The following ARMC9 variants were observed in gnomAD, a reference collection of about 807,000 sequenced individuals.
ARMC9 encodes lisH domain-containing protein ARMC9.
ARMC9 carries 94 observed loss-of-function variants against 107.0 expected under a neutral mutation model. The ratio of observed to expected loss-of-function variants is 0.88; its 90% CI spans 0.74 to 1.04. The LOEUF (loss-of-function observed/expected upper bound fraction) is 1.04. ARMC9 is among the 50% of genes least tolerant of loss of function. The probability of loss-of-function intolerance (pLI) is 0.00; values close to 1 mark genes in which losing one functional copy is unlikely to be tolerated. For synonymous variants in ARMC9, 380 were observed against 396.9 expected (o/e 0.96, Z 0.51); for missense variants, 942 against 1,030.1 (o/e 0.91, Z 1.17).
rs887674724 is a variant in ARMC9 at position 231,278,707 on chromosome 2, C to T, written c.1551+249C>T. ...CCCACTGGCCTGTGCCGGGCCCCTC[C>T]GGCATTGCTGTTTCTCATCATCTAG... On this transcript the variant is annotated intron_variant, in intron 16 of 24. Transcript: ENST00000611582. 6.6e-6 allele frequency among the ~76,000 whole-genome samples: 1 copy of T among 150,464 alleles called. No homozygotes were observed. Among genetic ancestry groups the T allele is most frequent in the Non-Finnish European group, 1.5e-5 (1 of 67,518 alleles).
intron 19 of ARMC9, among the ~76,000 whole-genome samples, chr2:231,309,262 C>T (rs757684029): frequency 9.2e-5 from 14 of 152,164 alleles, no homozygotes; most frequent in Non-Finnish European, 1.9e-4. Context: ...CTTGTAGACA[C>T]CTCATGATTC....
rs530838392 is a variant in ARMC9, at chr2:231,228,617, C to G, written c.622+1819C>G. On this transcript the variant is annotated intron_variant, in intron 7 of 24. Transcript: ENST00000611582. The stretch of plus-strand genomic sequence containing the variant: ...CATTTCTGCTGCATTCTGTTTCTTG[C>G]AAGTGAATTCCTAAGGCCCCCTCAC... Among the ~76,000 whole-genome samples the G allele has an allele frequency of 1.3e-5, 2 of 152,188 alleles. 1 individual carries two copies. Among genetic ancestry groups the G allele is most frequent in the East Asian group, 3.8e-4 (2 of 5,196 alleles).
intron 19 of ARMC9, among the ~76,000 whole-genome samples, chr2:231,329,238 G>A (rs1575102037): frequency 6.6e-6 from 1 of 152,090 alleles, no homozygotes; most frequent in Admixed American, 6.6e-5. Context: ...AATAAATATG[G>A]GGAGAACTAT....
In ARMC9 at chr2:231,230,310, C is replaced by T. The variant is rs1030457837; in HGVS notation, c.622+3512C>T. Among the ~76,000 whole-genome samples the T allele has an allele frequency of 3.3e-5, 5 of 151,428 alleles. No homozygotes were observed. The East Asian group carries it at 5.8e-4, about 18-fold the overall frequency. ...CCCAGGAGTTGCAGCGAGCTATGAT[C>T]GCACCACTGCACTAGTCTAGGTGGC... On this transcript the variant is annotated intron_variant, in intron 7 of 24. Coordinates refer to ENST00000611582, the MANE Select transcript of ARMC9 (RefSeq NM_001352754.2).
At chr2:231,306,173 G>A (rs2042025496) in intron 19 of ARMC9, among the ~76,000 whole-genome samples, 1 of 152,212 alleles carries the variant, frequency 6.6e-6, no homozygotes, top group African/African-American at 2.4e-5. Flanking sequence ...CCATGAGTCA[G>A]AGAACTTTCC....
intron 20 of ARMC9, among the ~76,000 whole-genome samples, chr2:231,338,535 CTTTTTT>C (rs764466867): frequency 7.9e-4 from 83 of 104,824 alleles, no homozygotes; most frequent in African/African-American, 3.4e-3. Flanking sequence ...CCCCAATTCA[CTTTTTT>C]TTTTTTTTTT....
chr2:231,350,207 G>A (rs1575161002), intron 21 of ARMC9, among the ~76,000 whole-genome samples: 1 of 151,874 alleles, frequency 6.6e-6, no homozygotes, highest in African/African-American at 2.4e-5. Flanking sequence ...TAAATTTTTT[G>A]TAGAGAAGGG....
intron 17 of ARMC9, among the ~76,000 whole-genome samples, chr2:231,287,510 G>A (rs989620643): frequency 3.3e-5 from 5 of 152,132 alleles, no homozygotes; most frequent in East Asian, 3.9e-4. Context: ...ACTGTATTCC[G>A]TGATGCTCAC....
chr2:231,215,612 G>C (rs999396929), intron 4 of ARMC9, among the ~76,000 whole-genome samples: 4 of 152,336 alleles, frequency 2.6e-5, no homozygotes, highest in South Asian at 4.1e-4. Flanking sequence ...TGGGAAGAGA[G>C]GAGAAGGCTG....
intron 23 of ARMC9, among the ~76,000 whole-genome samples, chr2:231,361,329 G>C (rs1575184434): frequency 6.6e-6 from 1 of 151,882 alleles, no homozygotes; most frequent in Non-Finnish European, 1.5e-5. Context: ...GCTGGGGCGT[G>C]GTGGCGCACG....
chr2:231,324,795 G>A (rs1320348070), intron 19 of ARMC9, among the ~76,000 whole-genome samples: 1 of 151,722 alleles, frequency 6.6e-6, no homozygotes, highest in Non-Finnish European at 1.5e-5. Flanking sequence ...CCAAAATGAA[G>A]ACAGGTACAG....
intron 1 of ARMC9, among the ~76,000 whole-genome samples, chr2:231,202,802 C>T (rs557294940): frequency 9.9e-5 from 15 of 152,210 alleles, no homozygotes; most frequent in South Asian, 8.3e-4. Flanking sequence ...TCCTGGGTAA[C>T]GGCCAAACTT....
intron 20 of ARMC9, among the ~76,000 whole-genome samples, chr2:231,340,211 A>G (rs1278808433): frequency 2.6e-5 from 4 of 152,352 alleles, no homozygotes; most frequent in East Asian, 3.9e-4. Context: ...GACAAGAATC[A>G]TGTTACCCAG....
chr2:231,293,788 A>G (rs750625815), intron 18 of ARMC9: 1 of 152,256 alleles, frequency 6.6e-6, no homozygotes, highest in Non-Finnish European at 1.5e-5. Flanking sequence ...TCCATAGGAC[A>G]GCGGCAGGAG....
chr2:231,216,834 A>T lies in ARMC9; in HGVS notation c.504+41A>T, dbSNP rs199648624. 1.4e-4 allele frequency: 226 copies of T among 1,582,890 alleles called. 2 individuals are homozygous for T. In the African/African-American group the frequency reaches 2.4e-3, roughly 16 times the overall value. On this transcript the variant is annotated intron_variant, in intron 5 of 24. Transcript: ENST00000611582. ...TAACTCTTGTGTCAGATCCTGGGTGACATTGTGGTTTTACCTTCTGTATGC... is the reference window on the plus strand; with the variant it reads ...TAACTCTTGTGTCAGATCCTGGGTGTCATTGTGGTTTTACCTTCTGTATGC...
At chr2:231,334,884 GT>G (rs1317433652) in intron 20 of ARMC9, among the ~76,000 whole-genome samples, 1 of 152,164 alleles carries the variant, frequency 6.6e-6, no homozygotes, top group Non-Finnish European at 1.5e-5. Context: ...CGCGTTTTGT[GT>G]GTGTGCCAAG....
At chr2:231,342,014 G>A (rs541975522) in intron 20 of ARMC9, among the ~76,000 whole-genome samples, 1 of 152,342 alleles carries the variant, frequency 6.6e-6, no homozygotes, top group African/African-American at 2.4e-5. Flanking sequence ...GCAGAACTCA[G>A]TATAAACAGC....
At chr2:231,302,371 T>C (rs918502918) in intron 19 of ARMC9, among the ~76,000 whole-genome samples, 1 of 150,814 alleles carries the variant, frequency 6.6e-6, no homozygotes, top group African/African-American at 2.4e-5. Context: ...ATAAATAAGA[T>C]ATTCTTATGA....
At chr2:231,324,266 TACAGGC>T (rs966262137) in intron 19 of ARMC9, among the ~76,000 whole-genome samples, 1 of 150,924 alleles carries the variant, frequency 6.6e-6, no homozygotes, top group Non-Finnish European at 1.5e-5. Flanking sequence ...TAGCTGGGAC[TACAGGC>T]ACACGCCACC....
Sources: allele counts gnomAD v4.1 joint callset (sites outside exome capture counted in the v4.1 genomes callset), GRCh38; gene constraint gnomAD v4.1.1; transcripts MANE v1.5; gene names NCBI Gene and HGNC (gene_info 2026-07-23, HGNC 2026-07-21).